Variants in SPMAP1 observed in about 807,000 individuals in gnomAD.
The protein encoded by SPMAP1 is uncharacterized protein C17orf98.
At chr17:38,835,175 G>A in the SPMAP1 span, 5 of 1,612,992 alleles carry the variant, frequency 3.1e-6, no homozygotes, top group Non-Finnish European at 4.2e-6. Flanking sequence ...TGGCTATGAA[G>A]GGAAAAGATG....
chr17:38,837,262 TGG>T, the SPMAP1 span: 1 of 1,544,640 alleles, frequency 6.5e-7, no homozygotes, highest in Admixed American at 1.7e-5. Flanking sequence ...CAAGAGAAAG[TGG>T]GCAAGAACAC....
chr17:38,839,068 AGAGT>A, the SPMAP1 span, among the ~76,000 whole-genome samples: 4 of 139,274 alleles, frequency 2.9e-5, no homozygotes, highest in East Asian at 6.4e-4. Context: ...CCTGGATGAC[AGAGT>A]GAGACTCTGT....
At chr17:38,838,895 G>A in the SPMAP1 span, among the ~76,000 whole-genome samples, 8 of 152,104 alleles carry the variant, frequency 5.3e-5, no homozygotes, top group African/African-American at 1.9e-4. Flanking sequence ...GACCAGCCTG[G>A]CCAACATAGT....
At chr17:38,835,267 A>T in the SPMAP1 span, 1 of 1,614,180 alleles carries the variant, frequency 6.2e-7, no homozygotes, top group East Asian at 2.2e-5. Context: ...TGCGGTAGCC[A>T]AACCTTCCAT....
chr17:38,838,428 G>A, the SPMAP1 span, among the ~76,000 whole-genome samples: 1 of 150,502 alleles, frequency 6.6e-6, no homozygotes, highest in South Asian at 2.1e-4. Flanking sequence ...GGCTAAACCC[G>A]GTGTCTACTA....
At chr17:38,840,925 G>A in the SPMAP1 span, among the ~76,000 whole-genome samples, 1 of 151,582 alleles carries the variant, frequency 6.6e-6, no homozygotes, top group Non-Finnish European at 1.5e-5. Flanking sequence ...AGAATCGCTT[G>A]AACCCGGGAG....
chr17:38,837,385 T>C, the SPMAP1 span: 1 of 664,972 alleles, frequency 1.5e-6, no homozygotes, highest in Non-Finnish European at 2.7e-6. Flanking sequence ...TTAAATATAT[T>C]TAAGAACCAG....
the SPMAP1 span, among the ~76,000 whole-genome samples, chr17:38,836,013 C>T: frequency 6.6e-6 from 1 of 152,046 alleles, no homozygotes; most frequent in Non-Finnish European, 1.5e-5. Context: ...CTCCCGGGTT[C>T]AAGAGATTCT....
the SPMAP1 span, among the ~76,000 whole-genome samples, chr17:38,840,358 G>A: frequency 2.0e-5 from 3 of 152,118 alleles, no homozygotes; most frequent in Non-Finnish European, 4.4e-5. Flanking sequence ...CGTCACAAAA[G>A]ACAAAGACAC....
chr17:38,839,850 G>A, the SPMAP1 span, among the ~76,000 whole-genome samples: 2 of 152,074 alleles, frequency 1.3e-5, no homozygotes, highest in African/African-American at 4.8e-5. Context: ...TGTGACTCAT[G>A]TATGTCCATA....
the SPMAP1 span, among the ~76,000 whole-genome samples, chr17:38,836,418 T>C: frequency 9.3e-3 from 1,419 of 151,882 alleles, 11 homozygotes; most frequent in Non-Finnish European, 0.014. Flanking sequence ...GTGGGCCACA[T>C]AGGGAGACTC....
At chr17:38,838,652 G>A in the SPMAP1 span, among the ~76,000 whole-genome samples, 8 of 152,140 alleles carry the variant, frequency 5.3e-5, no homozygotes, top group Non-Finnish European at 1.0e-4. Context: ...GGTGGCACAC[G>A]CCTATAGTCC....
the SPMAP1 span, among the ~76,000 whole-genome samples, chr17:38,836,484 C>T: frequency 6.6e-6 from 1 of 151,758 alleles, no homozygotes; most frequent in African/African-American, 2.4e-5. Flanking sequence ...CCTGTGGGCC[C>T]AACTGCTCAG....
At chr17:38,840,330 T>C in the SPMAP1 span, among the ~76,000 whole-genome samples, 11 of 152,084 alleles carry the variant, frequency 7.2e-5, no homozygotes, top group Admixed American at 3.9e-4. Flanking sequence ...GAGGTCACCC[T>C]AGAGGGCGGG....
At chr17:38,839,811 A>T in the SPMAP1 span, among the ~76,000 whole-genome samples, 60 of 150,422 alleles carry the variant, frequency 4.0e-4, no homozygotes, top group Admixed American at 1.1e-3. Flanking sequence ...AAAAAAAATT[A>T]AAAAAAAAAT....
At chr17:38,837,188 A>G in the SPMAP1 span, 1 of 1,614,064 alleles carries the variant, frequency 6.2e-7, no homozygotes, top group Non-Finnish European at 8.5e-7. Flanking sequence ...TCCTTGCCCG[A>G]AGATGTGGAT....
the SPMAP1 span, chr17:38,835,282 C>A: frequency 6.2e-7 from 1 of 1,614,142 alleles, no homozygotes; most frequent in Non-Finnish European, 8.5e-7. Flanking sequence ...TTCCATTGAA[C>A]CCATCGATCG....
chr17:38,835,291 C>A, the SPMAP1 span: 2 of 1,614,102 alleles, frequency 1.2e-6, no homozygotes, highest in East Asian at 2.2e-5. Context: ...ACCCATCGAT[C>A]GGTTTCAGAT....
the SPMAP1 span, among the ~76,000 whole-genome samples, chr17:38,840,617 C>CAA: frequency 2.3e-3 from 112 of 48,726 alleles, 21 homozygotes; most frequent in Non-Finnish European, 2.5e-3. Flanking sequence ...CCCCTCTCTA[C>CAA]AAAAAAAAAA....
Sources: gnomAD v4.1 joint callset for allele counts (sites outside exome capture counted in the v4.1 genomes callset) on GRCh38, gnomAD v4.1.1 for gene constraint, MANE v1.5 for transcripts, NCBI Gene and HGNC (gene_info 2026-07-23, HGNC 2026-07-21) for gene names.